The following SPINK8 variants were observed in gnomAD, a reference collection of about 807,000 sequenced individuals.
SPINK8 encodes serine protease inhibitor Kazal-type 8.
In SPINK8, 12 loss-of-function variants were observed where a neutral mutation model predicts 14.4. The observed-to-expected ratio is 0.83, with a 90% CI of 0.53 to 1.35. The LOEUF (loss-of-function observed/expected upper bound fraction) is 1.35, where lower values mean the gene tolerates loss of function less well. Among genes scored for constraint, SPINK8 ranks in the 40% most tolerant of loss-of-function variants. The pLI, the probability that SPINK8 is intolerant of heterozygous loss-of-function variation, is 0.00. For missense variants in SPINK8, 103 were observed against 117.0 expected, an observed-to-expected ratio of 0.88 and a Z score of 0.55; for synonymous variants, 32 against 37.6, an observed-to-expected ratio of 0.85 and a Z score of 0.55.
At chr3:48,309,252 T>TA (rs2035890369) in intron 7 of SPINK8, among the ~76,000 whole-genome samples, 1 of 152,238 alleles carries the variant, frequency 6.6e-6, no homozygotes. Context: ...CCACGCCTCA[T>TA]AATGCAATAA....
At chr3:48,324,951 C>T (rs959769167) in intron 4 of SPINK8, among the ~76,000 whole-genome samples, 5 of 152,120 alleles carry the variant, frequency 3.3e-5, no homozygotes, top group African/African-American at 2.4e-5. Flanking sequence ...GTTAGTTTTG[C>T]TTCATATATT....
intron 4 of SPINK8, among the ~76,000 whole-genome samples, chr3:48,321,961 C>T (rs1190570849): frequency 6.6e-6 from 1 of 152,026 alleles, no homozygotes; most frequent in Non-Finnish European, 1.5e-5. Context: ...TACAGGCATG[C>T]ACCACTATGA....
chr3:48,320,689 G>C (rs1465132657), intron 5 of SPINK8, among the ~76,000 whole-genome samples: 1 of 152,152 alleles, frequency 6.6e-6, no homozygotes, highest in African/African-American at 2.4e-5. Context: ...AGGGAGGCAG[G>C]GGGTATGCCT....
At chr3:48,307,538 C>G (rs1255963104) in intron 7 of SPINK8, among the ~76,000 whole-genome samples, 2 of 86,128 alleles carry the variant, frequency 2.3e-5, no homozygotes, top group South Asian at 4.6e-4. Context: ...CTATCTGCCC[C>G]CCACCCCCCC....
intron 6 of SPINK8, among the ~76,000 whole-genome samples, chr3:48,314,676 C>A (rs139889101): frequency 6.6e-6 from 1 of 152,162 alleles, no homozygotes; most frequent in Non-Finnish European, 1.5e-5. Flanking sequence ...TGCAAACAGC[C>A]TTTTCCCTGG....
At chr3:48,314,780 G>A (rs1033598045) in intron 6 of SPINK8, among the ~76,000 whole-genome samples, 24 of 152,196 alleles carry the variant, frequency 1.6e-4, no homozygotes, top group Non-Finnish European at 4.4e-5. Context: ...TTAACCAAGA[G>A]CTTAAAAGTA....
At chr3:48,315,001 A>G (rs1190342401) in intron 6 of SPINK8, among the ~76,000 whole-genome samples, 1 of 152,204 alleles carries the variant, frequency 6.6e-6, no homozygotes, top group Non-Finnish European at 1.5e-5. Flanking sequence ...TTGAGTAGAG[A>G]CATGCCTCAG....
chr3:48,316,278 A>G (rs968551228), intron 6 of SPINK8: 1 of 155,160 alleles, frequency 6.4e-6, no homozygotes, highest in Non-Finnish European at 1.5e-5. Context: ...AGCCACACAT[A>G]GACAAATCAT....
chr3:48,323,020 A>G (rs1351127405), intron 4 of SPINK8, among the ~76,000 whole-genome samples: 1 of 152,204 alleles, frequency 6.6e-6, no homozygotes, highest in Non-Finnish European at 1.5e-5. Flanking sequence ...GCTGCATTTT[A>G]CATTCCCATC....
intron 2 of SPINK8, among the ~76,000 whole-genome samples, chr3:48,330,243 G>T (rs1331229587): frequency 6.6e-6 from 1 of 152,100 alleles, no homozygotes; most frequent in Non-Finnish European, 1.5e-5. Context: ...AATAGGCTGG[G>T]TACTGTGGCT....
chr3:48,313,701 T>A (rs1020546300), intron 6 of SPINK8, among the ~76,000 whole-genome samples: 1 of 152,178 alleles, frequency 6.6e-6, no homozygotes, highest in African/African-American at 2.4e-5. Context: ...TAGTTAGACA[T>A]GGAAACAACC....
At chr3:48,333,026 A>G (rs1424550028) in intron 1 of SPINK8, among the ~76,000 whole-genome samples, 1 of 151,438 alleles carries the variant, frequency 6.6e-6, no homozygotes, top group Non-Finnish European at 1.5e-5. Context: ...AAGGGGGGTC[A>G]TTATTAGTTG....
chr3:48,307,855 G>C (rs1380458697), intron 7 of SPINK8, among the ~76,000 whole-genome samples: 1 of 151,402 alleles, frequency 6.6e-6, no homozygotes, highest in Non-Finnish European at 1.5e-5. Flanking sequence ...TTCTGTACTT[G>C]GGATACCTGG....
chr3:48,331,189 A>G (rs1250021393), intron 2 of SPINK8, among the ~76,000 whole-genome samples: 1 of 152,172 alleles, frequency 6.6e-6, no homozygotes, highest in Non-Finnish European at 1.5e-5. Context: ...TGTGGGGCTG[A>G]AAGTGGGGTT....
intron 6 of SPINK8, among the ~76,000 whole-genome samples, chr3:48,313,678 G>A (rs2035951914): frequency 6.6e-6 from 1 of 152,110 alleles, no homozygotes. Context: ...GTCTATAAGA[G>A]CACTCTTCAC....
chr3:48,326,589 T>C (rs1411480926), intron 4 of SPINK8, among the ~76,000 whole-genome samples: 3 of 146,964 alleles, frequency 2.0e-5, no homozygotes, highest in Non-Finnish European at 4.5e-5. Context: ...CCTGGGTGGC[T>C]GAGGGAGACT....
intron 4 of SPINK8, among the ~76,000 whole-genome samples, chr3:48,323,485 C>G (rs2036102004): frequency 6.6e-6 from 1 of 152,150 alleles, no homozygotes; most frequent in South Asian, 2.1e-4. Context: ...TCCTTTCTGC[C>G]TTTGGTGCCA....
Position 48,331,054 on chromosome 3 carries a change from A to G in SPINK8, c.-136+1312T>C, listed in dbSNP as rs371390693. On this transcript the variant is annotated intron_variant, in intron 2 of 7. Coordinates refer to ENST00000434006, the MANE Select transcript of SPINK8 (RefSeq NM_001080525.3). ...CTGGTAGATCTTAGTCAGGGACTGC[A>G]TCTGGGGCTCCATTTGAAGAACATT... Among the ~76,000 whole-genome samples the G allele has an allele frequency of 2.4e-4, 37 of 152,228 alleles. No homozygotes were observed. The South Asian group carries it at 7.5e-3, about 31-fold the overall frequency.
At chr3:48,310,053 G>A in intron 6 of SPINK8, 107 bp from the exon 7 acceptor site, 1 of 1,207,452 alleles carries the variant, frequency 8.3e-7, no homozygotes. Flanking sequence ...TAAACATTCT[G>A]CTAATAATGA....
Sources: gnomAD v4.1 joint callset for allele counts (sites outside exome capture counted in the v4.1 genomes callset) on GRCh38, gnomAD v4.1.1 for gene constraint, MANE v1.5 for transcripts, NCBI Gene and HGNC (gene_info 2026-07-23, HGNC 2026-07-21) for gene names.